The following HTT-AS variants were observed in gnomAD, a reference collection of about 807,000 sequenced individuals.
The protein encoded by HTT-AS is HTT antisense RNA, also known as HTT antisense RNA (head to head).
chr4:3,067,001 A>T (rs1223210018), intron 1 of HTT-AS, among the ~76,000 whole-genome samples: 1 of 152,210 alleles, frequency 6.6e-6, no homozygotes, highest in African/African-American at 2.4e-5. Context: ...AATTTGCAAA[A>T]CTTGAAAGTG....
At chr4:3,051,030 T>TG (rs1711692286) in intron 2 of HTT-AS, among the ~76,000 whole-genome samples, 43 of 122,554 alleles carry the variant, frequency 3.5e-4, no homozygotes, top group South Asian at 9.0e-4. Flanking sequence ...CCCTTACAAT[T>TG]TGTGTGTGTG....
At chr4:3,057,147 T>C (rs904824504) in intron 2 of HTT-AS, among the ~76,000 whole-genome samples, 3 of 151,906 alleles carry the variant, frequency 2.0e-5, no homozygotes, top group African/African-American at 7.3e-5. Flanking sequence ...AATACTCCTG[T>C]CTCAGCCTCC....
chr4:3,057,768 G>A (rs921401927), intron 2 of HTT-AS, among the ~76,000 whole-genome samples: 10 of 151,804 alleles, frequency 6.6e-5, no homozygotes, highest in Non-Finnish European at 1.3e-4. Context: ...TGAGTAGCTG[G>A]GACTATAGGC....
At chr4:3,058,629 G>T (rs1184296178) in intron 2 of HTT-AS, among the ~76,000 whole-genome samples, 2 of 152,032 alleles carry the variant, frequency 1.3e-5, no homozygotes, top group Admixed American at 1.3e-4. Context: ...CGGCCCAGCA[G>T]GTGTCAGCCT....
At chr4:3,057,324 C>T (rs1410210504) in intron 2 of HTT-AS, among the ~76,000 whole-genome samples, 6 of 151,944 alleles carry the variant, frequency 3.9e-5, no homozygotes, top group Admixed American at 3.9e-4. Flanking sequence ...TGAGCCACTG[C>T]ACCCCACCCT....
intron 2 of HTT-AS, among the ~76,000 whole-genome samples, chr4:3,058,790 G>A (rs1711857875): frequency 6.6e-6 from 1 of 151,694 alleles, no homozygotes. Flanking sequence ...TATGATCTCG[G>A]CTCACTGCAA....
rs1166332999 is a variant in HTT-AS at position 3,051,250 on chromosome 4, AGACGGG to A, written n.1381-1558_1381-1553del. 3.3e-5 allele frequency among the ~76,000 whole-genome samples: 5 copies of A among 152,046 alleles called. No individual in the cohort carries two copies. In the East Asian group the frequency reaches 9.6e-4, roughly 29 times the overall value. On this transcript the variant is annotated intron_variant and non_coding_transcript_variant, in intron 2 of 2. Coordinates refer to ENST00000664062, the Ensembl canonical transcript of HTT-AS. Reference sequence around the variant, plus strand: ...CCAGCTAATTTTGTATTTTTAGTAGAGACGGGGTTTCTCCACGTTGGTCAGGCTGGT... The same window carrying A: ...CCAGCTAATTTTGTATTTTTAGTAGAGTTTCTCCACGTTGGTCAGGCTGGT...
At chr4:3,071,278 G>C (rs1321525302) in intron 1 of HTT-AS, among the ~76,000 whole-genome samples, 1 of 152,178 alleles carries the variant, frequency 6.6e-6, no homozygotes, top group Non-Finnish European at 1.5e-5. Flanking sequence ...ACTGCACACA[G>C]TCATCTGGGC....
rs58202885 is a variant in HTT-AS at position 3,057,179 on chromosome 4, G to A, written n.1380+5255C>T. Reference sequence around the variant, plus strand: ...CTCCCGAGTAGCTGGGACTACAGGCGCCTGCCACCAAGCCCAGCTAATTTT... The same window carrying A: ...CTCCCGAGTAGCTGGGACTACAGGCACCTGCCACCAAGCCCAGCTAATTTT... On this transcript the variant is annotated intron_variant and non_coding_transcript_variant, in intron 2 of 2. Transcript: ENST00000664062. Among the ~76,000 whole-genome samples, 760 of 152,084 alleles carry A rather than the reference G, an allele frequency of 5.0e-3. 9 individuals are homozygous for A. Among genetic ancestry groups the A allele is most frequent in the African/African-American group, 0.017 (722 of 41,468 alleles).
intron 1 of HTT-AS, chr4:3,074,367 C>G (rs1217922873): frequency 6.7e-6 from 1 of 149,356 alleles, no homozygotes; most frequent in Admixed American, 6.8e-5. Flanking sequence ...CATGCAGTCC[C>G]GCCCCGTCCC....
intron 2 of HTT-AS, among the ~76,000 whole-genome samples, chr4:3,059,086 G>A (rs931827649): frequency 1.6e-4 from 25 of 152,088 alleles, no homozygotes; most frequent in East Asian, 9.6e-4. Flanking sequence ...CCATCCTTGC[G>A]TCCTTGCAGA....
chr4:3,067,892 A>G (rs1289391892), intron 1 of HTT-AS, among the ~76,000 whole-genome samples: 1 of 152,200 alleles, frequency 6.6e-6, no homozygotes, highest in African/African-American at 2.4e-5. Context: ...TATCACTGCA[A>G]AACTACAGAA....
chr4:3,069,670 A>T (rs1024439569), intron 1 of HTT-AS, among the ~76,000 whole-genome samples: 2 of 151,986 alleles, frequency 1.3e-5, no homozygotes, highest in African/African-American at 4.8e-5. Flanking sequence ...CCTAGAACCT[A>T]AGGAAACAGG....
chr4:3,056,779 T>C (rs1711809911), intron 2 of HTT-AS, among the ~76,000 whole-genome samples: 1 of 152,248 alleles, frequency 6.6e-6, no homozygotes, highest in African/African-American at 2.4e-5. Flanking sequence ...ACATAAAATT[T>C]ACCATCTTAA....
intron 2 of HTT-AS, among the ~76,000 whole-genome samples, chr4:3,056,856 A>G (rs1313772): frequency 0.44 from 67,478 of 151,992 alleles, 15,503 homozygotes; most frequent in South Asian, 0.7. Context: ...CATTCATTCA[A>G]TCAGTTTGCA....
intron 2 of HTT-AS, among the ~76,000 whole-genome samples, chr4:3,057,223 C>T (rs529844865): frequency 2.8e-4 from 43 of 152,154 alleles, no homozygotes; most frequent in Middle Eastern, 3.4e-3. Flanking sequence ...TTAGTAGAGA[C>T]GGGGTTTCAC....
chr4:3,072,058 T>G (rs1343835225), intron 1 of HTT-AS, among the ~76,000 whole-genome samples: 1 of 152,220 alleles, frequency 6.6e-6, no homozygotes, highest in African/African-American at 2.4e-5. Flanking sequence ...TAGAGTTATA[T>G]GTAGTTACGT....
At chr4:3,073,365 G>A (rs556355543) in intron 1 of HTT-AS, among the ~76,000 whole-genome samples, 37 of 152,360 alleles carry the variant, frequency 2.4e-4, no homozygotes, top group African/African-American at 8.9e-4. Context: ...AAGGCAGGAG[G>A]CTCTGGAGAC....
At chr4:3,053,893 T>G (rs1425787099) in intron 2 of HTT-AS, among the ~76,000 whole-genome samples, 2 of 151,758 alleles carry the variant, frequency 1.3e-5, no homozygotes, top group African/African-American at 4.8e-5. Context: ...CCGAGTAGCT[T>G]GGATTATAGG....
Sources: gnomAD v4.1 joint callset for allele counts (sites outside exome capture counted in the v4.1 genomes callset) on GRCh38, gnomAD v4.1.1 for gene constraint, MANE v1.5 for transcripts, NCBI Gene and HGNC (gene_info 2026-07-23, HGNC 2026-07-21) for gene names.